The following LARGE1 variants were observed in gnomAD, a reference collection of about 807,000 sequenced individuals.
LARGE1 encodes the protein xylosyl- and glucuronyltransferase LARGE1.
In LARGE1, 43 loss-of-function variants were observed where a neutral mutation model predicts 87.6. The observed-to-expected ratio is 0.49, with a 90% CI of 0.38 to 0.63. The LOEUF is 0.63. Among genes scored for constraint, LARGE1 ranks in the 30% least tolerant of loss-of-function variants. The pLI is 0.00. For missense variants in LARGE1, 802 were observed against 1,000.2 expected, an observed-to-expected ratio of 0.80 and a Z score of 2.67; for synonymous variants, 434 against 394.6, an observed-to-expected ratio of 1.10 and a Z score of -1.18.
chr22:33,874,705 T>G (rs5754734), intron 1 of LARGE1, among the ~76,000 whole-genome samples: 87,627 of 151,948 alleles, frequency 0.58, 25,383 homozygotes, highest in East Asian at 0.71. Flanking sequence ...TTAACTGTCT[T>G]TGAAAGTTCA....
chr22:33,313,681 G>T (rs982781508), intron 11 of LARGE1, among the ~76,000 whole-genome samples: 1 of 152,176 alleles, frequency 6.6e-6, no homozygotes, highest in East Asian at 1.9e-4. Flanking sequence ...AGCTGAGGGG[G>T]ACACCCATCA....
At chr22:33,856,782 A>C (rs1257871617) in intron 1 of LARGE1, 1 of 152,136 alleles carries the variant, frequency 6.6e-6, no homozygotes, top group African/African-American at 2.4e-5. Context: ...ATGCATCTGA[A>C]TGCGTTTCTT....
chr22:33,880,509 T>C (rs76342614), intron 1 of LARGE1, among the ~76,000 whole-genome samples: 5,272 of 152,294 alleles, frequency 0.035, 317 homozygotes, highest in African/African-American at 0.12. Flanking sequence ...GCACAAGTCA[T>C]GTGCAGTCTC....
chr22:33,636,386 C>T (rs1435823222), intron 3 of LARGE1, among the ~76,000 whole-genome samples: 2 of 152,156 alleles, frequency 1.3e-5, no homozygotes, highest in Non-Finnish European at 2.9e-5. Flanking sequence ...CTAGATGACT[C>T]ATCAAGCTTT....
intron 6 of LARGE1, among the ~76,000 whole-genome samples, chr22:33,502,443 C>T (rs1049192041): frequency 2.6e-5 from 4 of 152,110 alleles, no homozygotes; most frequent in Admixed American, 2.0e-4. Flanking sequence ...GAAAGTGAAC[C>T]ACGGAGCAGG....
chr22:33,199,730 T>A lies in LARGE1; in HGVS notation c.1731-32898A>T, dbSNP rs193237559. On this transcript the variant is annotated intron_variant, in intron 11 of 11. Transcript: ENST00000608642. Reference sequence around the variant, plus strand: ...CTGTTAATCTATGTGTCTAGTTTTATACCAGTACCATGCTGTTTTAGTTAC... The same window carrying A: ...CTGTTAATCTATGTGTCTAGTTTTAAACCAGTACCATGCTGTTTTAGTTAC... 3.3e-4 allele frequency among the ~76,000 whole-genome samples: 50 copies of A among 152,368 alleles called. No individual in the cohort carries two copies. In the East Asian group the frequency reaches 6.4e-3, roughly 19 times the overall value.
rs781066281 is a variant in LARGE1, at chr22:33,626,233, G to C, written c.491+11C>G. The C allele has an allele frequency of 3.2e-5, 52 of 1,612,492 alleles. No individual in the cohort carries two copies. The Middle Eastern group carries it at 8.2e-4, about 25-fold the overall frequency. On this transcript the variant is annotated intron_variant, in intron 4 of 14. Coordinates refer to ENST00000397394, the MANE Select transcript of LARGE1 (RefSeq NM_133642.5). ...AGACCTCAGCCCACACAGCACAGAAGTTGTTCTTACCTATGGAACAGGACG... is the reference window on the plus strand; with the variant it reads ...AGACCTCAGCCCACACAGCACAGAACTTGTTCTTACCTATGGAACAGGACG...
chr22:33,671,418 G>A (rs375101495), intron 2 of LARGE1, among the ~76,000 whole-genome samples: 4 of 152,146 alleles, frequency 2.6e-5, no homozygotes, highest in African/African-American at 4.8e-5. Flanking sequence ...AATGCTTTAC[G>A]AAGAAAAGTT....
intron 6 of LARGE1, 70 bp downstream of exon 6, chr22:33,564,777 AG>A (rs1225021009): frequency 9.7e-6 from 15 of 1,538,734 alleles, no homozygotes. Context: ...TTTTTAAAAA[AG>A]TCAACCCCTA....
At position 33,274,889 on chromosome 22, in the gene LARGE1, C is replaced by G. The variant is rs16992044; in HGVS notation, c.2074-265G>C. ...TAATATTCTTGAATGATGACCATGA[C>G]GGAGAAGCCAATACTGTATAAACAG... On this transcript the variant is annotated intron_variant, in intron 14 of 14. Coordinates refer to ENST00000397394, the MANE Select transcript of LARGE1 (RefSeq NM_133642.5). 5.3e-5 allele frequency among the ~76,000 whole-genome samples: 8 copies of G among 152,088 alleles called. No individual in the cohort carries two copies. In the South Asian group the frequency reaches 1.7e-3, roughly 31 times the overall value.
intron 14 of LARGE1, 102 bp downstream of exon 14, chr22:33,276,958 C>T (rs1031754311): frequency 8.8e-7 from 1 of 1,134,942 alleles, no homozygotes; most frequent in East Asian, 2.3e-5. Context: ...TATCTTGTTC[C>T]CTCTTAGCTC....
chr22:33,150,090 C>T, the LARGE1 span, among the ~76,000 whole-genome samples: 1 of 152,108 alleles, frequency 6.6e-6, no homozygotes, highest in Non-Finnish European at 1.5e-5. Flanking sequence ...TTTGTTTTAT[C>T]TGAGTTTCTT....
At chr22:33,422,782 AC>A (rs1389097787) in intron 7 of LARGE1, among the ~76,000 whole-genome samples, 1 of 152,062 alleles carries the variant, frequency 6.6e-6, no homozygotes, top group Non-Finnish European at 1.5e-5. Flanking sequence ...CTTTTAAACA[AC>A]CAGATCTCAT....
intron 5 of LARGE1, among the ~76,000 whole-genome samples, chr22:33,594,573 C>T (rs1046847301): frequency 6.6e-5 from 10 of 152,076 alleles, no homozygotes; most frequent in Admixed American, 2.0e-4. Context: ...ATCCCAACTC[C>T]GTCATTATAA....
intron 1 of LARGE1, among the ~76,000 whole-genome samples, chr22:33,893,998 T>A (rs2065070286): frequency 6.6e-6 from 1 of 152,068 alleles, no homozygotes; most frequent in African/African-American, 2.4e-5. Context: ...TGAGCAGGCC[T>A]CACTGGGTCC....
At chr22:33,584,389 AG>A (rs2078607940) in intron 5 of LARGE1, among the ~76,000 whole-genome samples, 1 of 152,188 alleles carries the variant, frequency 6.6e-6, no homozygotes, top group African/African-American at 2.4e-5. Flanking sequence ...GGCTCGGCTC[AG>A]GGTTCCCCTT....
chr22:33,437,569 T>C (rs2085408300), intron 6 of LARGE1, among the ~76,000 whole-genome samples: 1 of 152,108 alleles, frequency 6.6e-6, no homozygotes, highest in African/African-American at 2.4e-5. Context: ...TAGTAAAGCG[T>C]TCAGTAAGCA....
At chr22:33,225,121 A>G (rs1052565776) in intron 11 of LARGE1, among the ~76,000 whole-genome samples, 2 of 152,178 alleles carry the variant, frequency 1.3e-5, no homozygotes, top group Non-Finnish European at 2.9e-5. Flanking sequence ...AACAGAAGAC[A>G]CTGCTTTTCC....
rs1304328314 is a variant in LARGE1, at chr22:33,579,078, CT to C, written c.616-14060del. 5.9e-5 allele frequency among the ~76,000 whole-genome samples: 9 copies of C among 152,272 alleles called. No homozygotes were observed. The East Asian group carries it at 1.7e-3, about 29-fold the overall frequency. The stretch of plus-strand genomic sequence containing the variant: ...GATTGTTACAATGGATTTTTAACTT[CT>C]GTACTTTAGAGTGTGTGATATGGTT... On this transcript the variant is annotated intron_variant, in intron 5 of 14. Coordinates refer to ENST00000397394, the MANE Select transcript of LARGE1 (RefSeq NM_133642.5).
Sources: allele counts gnomAD v4.1 joint callset (sites outside exome capture counted in the v4.1 genomes callset), GRCh38; gene constraint gnomAD v4.1.1; transcripts MANE v1.5; gene names NCBI Gene and HGNC (gene_info 2026-07-23, HGNC 2026-07-21).